Variants in CAMK1D observed in about 807,000 individuals in gnomAD.
CAMK1D encodes calcium/calmodulin-dependent protein kinase type 1D.
CAMK1D carries 9 observed loss-of-function variants against 47.7 expected under a neutral mutation model. The observed-to-expected ratio is 0.19, with a 90% CI of 0.11 to 0.33. CAMK1D has a LOEUF of 0.33. Among genes scored for constraint, CAMK1D ranks in the 10% least tolerant of loss-of-function variants. CAMK1D has a pLI of 1.00. For synonymous variants in CAMK1D, 184 were observed against 184.9 expected (o/e 0.99, Z 0.04); for missense variants, 291 against 488.7 (o/e 0.60, Z 3.81).
Position 12,696,595 on chromosome 10 carries a change from A to G in CAMK1D, c.299+29785A>G, listed in dbSNP as rs1564501054. Among the ~76,000 whole-genome samples, 4 of 152,220 alleles carry G rather than the reference A, an allele frequency of 2.6e-5. No individual in the cohort carries two copies. The South Asian group carries it at 8.3e-4, about 31-fold the overall frequency. ...CAAGACTCGGAATGCTTTCACAAAT[A>G]GCCGTCTCCTTCAGTTGTATATTCA... On this transcript the variant is annotated intron_variant, in intron 3 of 10. Coordinates refer to ENST00000619168, the MANE Select transcript of CAMK1D (RefSeq NM_153498.4).
At chr10:12,575,783 T>C (rs1837473049) in intron 2 of CAMK1D, among the ~76,000 whole-genome samples, 1 of 152,118 alleles carries the variant, frequency 6.6e-6, no homozygotes, top group Non-Finnish European at 1.5e-5. Flanking sequence ...AAGACAGTGG[T>C]GGTTTGCATG....
chr10:12,638,251 T>TC (rs1372008446), intron 2 of CAMK1D, among the ~76,000 whole-genome samples: 1 of 152,190 alleles, frequency 6.6e-6, no homozygotes, highest in African/African-American at 2.4e-5. Flanking sequence ...TGCCTGGCCC[T>TC]CCCAGGTCTC....
intron 1 of CAMK1D, among the ~76,000 whole-genome samples, chr10:12,504,834 T>G (rs922533811): frequency 6.6e-6 from 1 of 152,168 alleles, no homozygotes; most frequent in Non-Finnish European, 1.5e-5. Context: ...CTTTGAATTC[T>G]GCAGTGCACA....
intron 2 of CAMK1D, among the ~76,000 whole-genome samples, chr10:12,554,305 G>A (rs1197158727): frequency 1.0e-5 from 1 of 97,854 alleles, no homozygotes; most frequent in Non-Finnish European, 2.6e-5. Flanking sequence ...ACAGGCATCT[G>A]CCATCATGCC....
At chr10:12,404,756 A>AT (rs1259022672) in intron 1 of CAMK1D, among the ~76,000 whole-genome samples, 1 of 151,292 alleles carries the variant, frequency 6.6e-6, no homozygotes. Context: ...GTGCAGTGGC[A>AT]TGATCTCAGC....
At chr10:12,456,869 C>T (rs766450789) in intron 1 of CAMK1D, among the ~76,000 whole-genome samples, 22 of 151,270 alleles carry the variant, frequency 1.5e-4, no homozygotes, top group East Asian at 1.9e-4. Context: ...ACTAACATTA[C>T]GGATACATTT....
chr10:12,635,118 G>A (rs1839477577), intron 2 of CAMK1D, among the ~76,000 whole-genome samples: 1 of 152,088 alleles, frequency 6.6e-6, no homozygotes, highest in Non-Finnish European at 1.5e-5. Context: ...TAGGAGCTGT[G>A]GGGAACATGA....
intron 5 of CAMK1D, among the ~76,000 whole-genome samples, chr10:12,778,260 C>T (rs542081651): frequency 2.0e-5 from 3 of 152,162 alleles, no homozygotes; most frequent in East Asian, 1.9e-4. Context: ...ACAATGAAAC[C>T]GAAATTGGTG....
intron 1 of CAMK1D, among the ~76,000 whole-genome samples, chr10:12,405,524 G>T (rs114344021): frequency 1.3e-5 from 2 of 152,194 alleles, no homozygotes; most frequent in African/African-American, 2.4e-5. Flanking sequence ...ATTACTAAGC[G>T]CCCGTCTTTA....
chr10:12,752,702 C>T (rs140185684), intron 3 of CAMK1D, among the ~76,000 whole-genome samples: 479 of 152,316 alleles, frequency 3.1e-3, no homozygotes, highest in African/African-American at 0.011. Context: ...TTTGTCTTCA[C>T]GTTCTGAATC....
intron 2 of CAMK1D, among the ~76,000 whole-genome samples, chr10:12,634,474 G>A (rs141158145): frequency 1.5e-4 from 23 of 152,302 alleles, no homozygotes; most frequent in African/African-American, 5.3e-4. Context: ...GTAAGCAGGA[G>A]TTCAACAGGG....
chr10:12,770,281 G>A (rs545999753), intron 5 of CAMK1D, among the ~76,000 whole-genome samples: 1 of 152,320 alleles, frequency 6.6e-6, no homozygotes, highest in South Asian at 2.1e-4. Context: ...TCTGTACTGC[G>A]ATGCTAGGCA....
intron 6 of CAMK1D, among the ~76,000 whole-genome samples, chr10:12,809,945 C>T (rs1832531644): frequency 6.6e-6 from 1 of 151,814 alleles, no homozygotes; most frequent in Admixed American, 6.6e-5. Context: ...CCCAGGAGTT[C>T]CAGACCAGCC....
At chr10:12,451,444 T>C (rs1360506134) in intron 1 of CAMK1D, among the ~76,000 whole-genome samples, 1 of 152,210 alleles carries the variant, frequency 6.6e-6, no homozygotes, top group East Asian at 1.9e-4. Context: ...TCTTCACTCT[T>C]GCCCTCTTCT....
intron 3 of CAMK1D, among the ~76,000 whole-genome samples, chr10:12,716,606 C>T (rs1471970900): frequency 6.6e-6 from 1 of 152,172 alleles, no homozygotes; most frequent in Non-Finnish European, 1.5e-5. Context: ...GCACACCCAG[C>T]ACCCTGCACC....
At chr10:12,744,293 C>G (rs1366516803) in intron 3 of CAMK1D, among the ~76,000 whole-genome samples, 1 of 151,744 alleles carries the variant, frequency 6.6e-6, no homozygotes, top group Non-Finnish European at 1.5e-5. Flanking sequence ...GCTGTGAACA[C>G]TGATTTTTGT....
In CAMK1D at chr10:12,831,709, T is replaced by C. The variant is rs1251522940; in HGVS notation, c.*2822T>C. On this transcript the variant is annotated 3_prime_UTR_variant, in exon 11 of 11. Transcript: ENST00000619168. ...CTGGTTTCAGCCCAAGAGTCAACTGTTGAGCATGACATCAGGAAGCCTGTA... is the reference window on the plus strand; with the variant it reads ...CTGGTTTCAGCCCAAGAGTCAACTGCTGAGCATGACATCAGGAAGCCTGTA... 2.0e-5 allele frequency: 3 copies of C among 152,214 alleles called. No homozygotes were observed. Among genetic ancestry groups the C allele is most frequent in the African/African-American group, 7.2e-5 (3 of 41,448 alleles). The allele number at this position is 152,214 out of a possible 1,614,324, so 9.4% of individuals were successfully genotyped here.
chr10:12,541,889 T>TCCTTCCTTCCTTCC (rs760116191), intron 1 of CAMK1D, among the ~76,000 whole-genome samples: 68 of 141,942 alleles, frequency 4.8e-4, no homozygotes, highest in East Asian at 1.0e-3. Flanking sequence ...CTTCCTTCCT[T>TCCTTCCTTCCTTCC]TTTTTTTTTC....
intron 1 of CAMK1D, among the ~76,000 whole-genome samples, chr10:12,527,671 C>CTTTTGGATCAA (rs1564392892): frequency 2.0e-5 from 3 of 152,142 alleles, no homozygotes; most frequent in Admixed American, 1.3e-4. Context: ...CCACCGCGCC[C>CTTTTGGATCAA]AGTTTTGACT....
Sources: allele counts gnomAD v4.1 joint callset (sites outside exome capture counted in the v4.1 genomes callset), GRCh38; gene constraint gnomAD v4.1.1; transcripts MANE v1.5; gene names NCBI Gene and HGNC (gene_info 2026-07-23, HGNC 2026-07-21).